LMTK2: variants seen among roughly 807,000 people sequenced by gnomAD.
LMTK2 encodes serine/threonine-protein kinase LMTK2.
A neutral mutation model predicts 127.5 loss-of-function variants in LMTK2; 37 were observed. The observed-to-expected ratio is 0.29, with a 90% CI of 0.22 to 0.38. The LOEUF (loss-of-function observed/expected upper bound fraction) is 0.38. LMTK2 is among the 10% of genes least tolerant of loss of function. The pLI is 1.00. For missense variants in LMTK2, 1,694 were observed against 1,920.3 expected, an observed-to-expected ratio of 0.88 and a Z score of 2.20; for synonymous variants, 819 against 810.1, an observed-to-expected ratio of 1.01 and a Z score of -0.19.
Position 98,192,031 on chromosome 7 carries a change from A to G in LMTK2, c.1566A>G (p.Gln522=), listed in dbSNP as rs1397257936. 5 of 1,606,620 alleles carry G rather than the reference A, an allele frequency of 3.1e-6. No individual in the cohort carries two copies. The highest frequency in any genetic ancestry group is 4.3e-6 in the Non-Finnish European group (5 of 1,174,360). The change falls in exon 11 of 14, where the codon CAA becomes CAG. Residue 522 remains glutamine (Q), a synonymous_variant. Transcript: ENST00000297293. ...TTTCAGATCCTGGGCCCGGAAAGCA[A>G]GATGACAGCGGCCAGGATGTCCCCC... is the stretch of plus-strand genomic sequence containing the variant. ...SSLSDPGPGK[Q]DDSGQDVPLR... is the part of the protein sequence containing the mutation.
At chr7:98,196,955 A>G (rs1797630682) in intron 11 of LMTK2, among the ~76,000 whole-genome samples, 1 of 152,240 alleles carries the variant, frequency 6.6e-6, no homozygotes. Flanking sequence ...ACAGCCACCA[A>G]GCGTTCAGGC....
chr7:98,143,399 C>A lies in LMTK2; in HGVS notation c.376+1858C>A, dbSNP rs922362175. 2.6e-5 allele frequency among the ~76,000 whole-genome samples: 4 copies of A among 151,944 alleles called. No individual in the cohort carries two copies. In the East Asian group the frequency reaches 7.7e-4, roughly 29 times the overall value. On this transcript the variant is annotated intron_variant, in intron 3 of 13. Coordinates refer to ENST00000297293, the MANE Select transcript of LMTK2 (RefSeq NM_014916.4). ...GACACCACACACAAATTGACAGAGTCGCAAAAAATATTTGTGAACTACAAA... is the reference window on the plus strand; with the variant it reads ...GACACCACACACAAATTGACAGAGTAGCAAAAAATATTTGTGAACTACAAA...
intron 3 of LMTK2, among the ~76,000 whole-genome samples, chr7:98,150,677 A>C (rs544402311): frequency 7.9e-5 from 12 of 152,392 alleles, no homozygotes; most frequent in African/African-American, 2.9e-4. Context: ...TTCTGTGACA[A>C]AAGTAAGAAT....
intron 1 of LMTK2, among the ~76,000 whole-genome samples, chr7:98,117,591 C>T (rs1796304680): frequency 6.6e-6 from 1 of 151,994 alleles, no homozygotes; most frequent in Admixed American, 6.6e-5. Context: ...ACAGGTTCAT[C>T]TTGTATATTC....
At chr7:98,134,370 T>C (rs1796568463) in intron 1 of LMTK2, among the ~76,000 whole-genome samples, 1 of 152,248 alleles carries the variant, frequency 6.6e-6, no homozygotes, top group African/African-American at 2.4e-5. Context: ...ACAAACTGTG[T>C]GTTATTTTTT....
rs375464516 is a variant in LMTK2 at position 98,124,793 on chromosome 7, A to T, written c.104-12522A>T. Among the ~76,000 whole-genome samples, 25 of 152,040 alleles carry T rather than the reference A, an allele frequency of 1.6e-4. 1 individual carries two copies. In the South Asian group the frequency reaches 2.3e-3, roughly 14 times the overall value. On this transcript the variant is annotated intron_variant, in intron 1 of 13. Coordinates refer to ENST00000297293, the MANE Select transcript of LMTK2 (RefSeq NM_014916.4). ...GAGCAAGACTGTGTCTCTAAAAAAA[A>T]AATAATAATAACATAAAATGGGGCT...
At chr7:98,163,370 C>T (rs538504662) in intron 6 of LMTK2, among the ~76,000 whole-genome samples, 64 of 152,120 alleles carry the variant, frequency 4.2e-4, no homozygotes, top group Admixed American at 5.2e-4. Context: ...TACCTATGTT[C>T]GGAGGCTAGG....
intron 11 of LMTK2, among the ~76,000 whole-genome samples, chr7:98,195,955 C>T (rs1256395816): frequency 6.6e-6 from 1 of 152,152 alleles, no homozygotes; most frequent in Non-Finnish European, 1.5e-5. Context: ...TTTGGGAGGC[C>T]AAGGTGGGCG....
chr7:98,205,712 A>G lies in LMTK2; in HGVS notation c.*220A>G. 1 of 601,344 alleles carries G rather than the reference A, an allele frequency of 1.7e-6. No homozygotes were observed. The allele number at this position is 601,344 out of a possible 1,614,324, so 37.3% of individuals were successfully genotyped here. A position where few individuals can be genotyped will look rare whatever the true frequency, so the allele number is the denominator to read the frequency against. ...CCGTGTCCAGGAGCCGGCGTCCCTC[A>G]GTGCCCCGTGCACCCGCGGCCGCGG... is the stretch of plus-strand genomic sequence containing the variant. On this transcript the variant is annotated 3_prime_UTR_variant, in exon 14 of 14. Transcript: ENST00000297293.
rs542712584 is a variant in LMTK2 at position 98,132,055 on chromosome 7, C to T, written c.104-5260C>T. Among the ~76,000 whole-genome samples the T allele has an allele frequency of 8.5e-4, 130 of 152,262 alleles. 1 individual carries two copies. The highest frequency in any genetic ancestry group is 3.0e-3 in the African/African-American group (124 of 41,548). Reference sequence around the variant, plus strand: ...GAACAAGAACTCCACCCAGGCCTGCCGGGACCCTGTGGGAGGGCTTGGGAG... The same window carrying T: ...GAACAAGAACTCCACCCAGGCCTGCTGGGACCCTGTGGGAGGGCTTGGGAG... On this transcript the variant is annotated intron_variant, in intron 1 of 13. Coordinates refer to ENST00000297293, the MANE Select transcript of LMTK2 (RefSeq NM_014916.4).
intron 7 of LMTK2, among the ~76,000 whole-genome samples, chr7:98,175,690 C>T (rs1297842385): frequency 6.6e-6 from 1 of 152,214 alleles, no homozygotes; most frequent in Non-Finnish European, 1.5e-5. Context: ...ATTGTATCTT[C>T]CTGACCTTTG....
At chr7:98,202,840 T>G (rs1295653072) in intron 11 of LMTK2, among the ~76,000 whole-genome samples, 2 of 152,236 alleles carry the variant, frequency 1.3e-5, no homozygotes, top group Non-Finnish European at 1.5e-5. Context: ...GTGATGTCCC[T>G]GATACTTGCA....
chr7:98,139,151 G>C (rs564831583), intron 2 of LMTK2, among the ~76,000 whole-genome samples: 1 of 152,094 alleles, frequency 6.6e-6, no homozygotes, highest in South Asian at 2.1e-4. Flanking sequence ...TTTCAGACAG[G>C]GTCTCTCTCT....
At chr7:98,183,701 T>C (rs1026955094) in intron 7 of LMTK2, among the ~76,000 whole-genome samples, 3 of 152,148 alleles carry the variant, frequency 2.0e-5, no homozygotes, top group African/African-American at 7.2e-5. Context: ...TCACTCCAGC[T>C]TTTTTGTATT....
chr7:98,157,490 G>A (rs1414680786), intron 5 of LMTK2, among the ~76,000 whole-genome samples: 3 of 152,114 alleles, frequency 2.0e-5, no homozygotes, highest in African/African-American at 7.2e-5. Context: ...TTCCAGAGCA[G>A]TGAAAACTTT....
intron 7 of LMTK2, among the ~76,000 whole-genome samples, chr7:98,181,851 G>A (rs1254462424): frequency 1.3e-5 from 2 of 152,074 alleles, no homozygotes; most frequent in African/African-American, 4.8e-5. Flanking sequence ...TAGAGATTGG[G>A]TTTCACCATG....
chr7:98,117,736 G>A (rs1259648936), intron 1 of LMTK2, among the ~76,000 whole-genome samples: 1 of 152,140 alleles, frequency 6.6e-6, no homozygotes, highest in East Asian at 1.9e-4. Flanking sequence ...GGAGGCCGAG[G>A]TGGGCGGATC....
intron 7 of LMTK2, among the ~76,000 whole-genome samples, chr7:98,183,668 G>A (rs1003032647): frequency 1.3e-5 from 2 of 152,180 alleles, no homozygotes; most frequent in South Asian, 4.1e-4. Context: ...GGGATTACAA[G>A]TGTGATCCAC....
intron 11 of LMTK2, among the ~76,000 whole-genome samples, chr7:98,201,056 G>A (rs1333894621): frequency 2.7e-5 from 4 of 150,820 alleles, no homozygotes; most frequent in Admixed American, 2.6e-4. Flanking sequence ...CCATTTTTTT[G>A]CAGGATTCCT....
Sources: allele counts gnomAD v4.1 joint callset (sites outside exome capture counted in the v4.1 genomes callset), GRCh38; gene constraint gnomAD v4.1.1; transcripts MANE v1.5; gene names NCBI Gene and HGNC (gene_info 2026-07-23, HGNC 2026-07-21).